Variants in CDC25B observed in about 807,000 individuals in gnomAD.
CDC25B encodes the protein cell division cycle 25B.
Under a neutral mutation model 69.8 loss-of-function variants are expected in CDC25B, and 33 were observed. The ratio of observed to expected loss-of-function variants is 0.47; its 90% CI spans 0.36 to 0.63. CDC25B has a LOEUF of 0.63. Ranked by LOEUF, CDC25B falls within the 30% of genes least tolerant of loss-of-function variation. The pLI is 0.00. For synonymous variants in CDC25B, 341 were observed against 314.6 expected, an observed-to-expected ratio of 1.08 and a Z score of -0.89; for missense variants, 727 against 809.1, an observed-to-expected ratio of 0.90 and a Z score of 1.23.
At position 3,803,863 on chromosome 20, in the gene CDC25B, G is replaced by A. The variant is rs2089380077; in HGVS notation, c.1490+326G>A. Among the ~76,000 whole-genome samples the A allele has an allele frequency of 6.6e-6, 1 of 152,180 alleles. No homozygotes were observed. On this transcript the variant is annotated intron_variant, in intron 14 of 15. Transcript: ENST00000245960. The surrounding 1 kb of genome is among the most constrained non-coding windows in gnomAD (Gnocchi z 4.9). Reference sequence around the variant, plus strand: ...TCCCCAGTACACGGACCCTCCCCATGTTCAGTGCTGTTAGGTCTCCATTAG... The same window carrying A: ...TCCCCAGTACACGGACCCTCCCCATATTCAGTGCTGTTAGGTCTCCATTAG...
intron 3 of CDC25B, 129 bp from the exon 4 acceptor site, chr20:3,800,159 C>G (rs1202332141): frequency 2.7e-6 from 2 of 751,284 alleles, no homozygotes; most frequent in Admixed American, 2.7e-5. Flanking sequence ...TCCCACCCCA[C>G]CCCTTCCACT....
intron 11 of CDC25B, 101 bp from the exon 12 acceptor site, chr20:3,802,809 G>C: frequency 1.0e-6 from 1 of 962,334 alleles, no homozygotes; most frequent in Non-Finnish European, 1.7e-6. Context: ...GCCAAAGCAG[G>C]TGTGGCCTCT....
intron 3 of CDC25B, among the ~76,000 whole-genome samples, chr20:3,799,515 T>C (rs1329113327): frequency 1.5e-3 from 95 of 61,740 alleles, no homozygotes; most frequent in African/African-American, 4.4e-3. Context: ...TGTGTGTGTG[T>C]GTGTGTGTGT....
chr20:3,800,205 C>G, intron 3 of CDC25B, 83 bp from the exon 4 acceptor site: 1 of 559,404 alleles, frequency 1.8e-6, no homozygotes, highest in East Asian at 7.8e-5. Context: ...GCCCTTACTC[C>G]CCCCTGGACT....
At position 3,806,014 on chromosome 20, in the gene CDC25B, C is replaced by G. The variant is rs977309545; in HGVS notation, c.*1053C>G. On this transcript the variant is annotated 3_prime_UTR_variant, in exon 16 of 16. Transcript: ENST00000245960. ...AGCTAAACCAAGGACTGAGCACCCT[C>G]TGGATTCTGAATCTCAAGATGGGGG... is the stretch of plus-strand genomic sequence containing the variant. 1.8e-5 allele frequency: 7 copies of G among 398,656 alleles called. No individual in the cohort carries two copies. The highest frequency in any genetic ancestry group is 1.2e-3 in the Middle Eastern group (2 of 1,612). The allele number at this position is 398,656 out of a possible 1,614,324, so 24.7% of individuals were successfully genotyped here.
chr20:3,803,084 A>AC lies in CDC25B; in HGVS notation c.1258-22dup. On this transcript the variant is annotated intron_variant, in intron 12 of 15. Transcript: ENST00000245960. This position sits in a 1 kb window ranked among gnomAD's most constrained non-coding sequence, Gnocchi z 4.9. The stretch of plus-strand genomic sequence containing the variant: ...CCAGCTGCCAGCCTGACCTGCCGGA[A>AC]CCAACCCCCATGACCTCCTACAGAT... 1 of 1,608,522 alleles carries AC rather than the reference A, an allele frequency of 6.2e-7. No individual in the cohort carries two copies. Among genetic ancestry groups the AC allele is most frequent in the South Asian group, 1.1e-5 (1 of 90,938 alleles).
rs2146686507 is a variant in CDC25B, at chr20:3,800,457, T to G, written c.423-5T>G. ...GCTCTCACCTGTCCCCATTTCCTCCTGTAGCGAGCAGTTTGCCATCAGACG... is the reference window on the plus strand; with the variant it reads ...GCTCTCACCTGTCCCCATTTCCTCCGGTAGCGAGCAGTTTGCCATCAGACG... On this transcript the variant is annotated splice_polypyrimidine_tract_variant and splice_region_variant and intron_variant, in intron 4 of 15. Transcript: ENST00000245960. The G allele has an allele frequency of 6.2e-7, 1 of 1,614,228 alleles. No homozygotes were observed. Among genetic ancestry groups the G allele is most frequent in the Middle Eastern group, 1.6e-4 (1 of 6,062 alleles).
At chr20:3,795,711 G>A, upstream of CDC25B, 2 of 985,532 alleles carry the variant, frequency 2.0e-6, no homozygotes, top group Non-Finnish European at 2.4e-6. Flanking sequence ...CACCTCCTAC[G>A]CTGGGCGCTT....
At position 3,800,685 on chromosome 20, in the gene CDC25B, T is replaced by G. The variant is rs2089245155; in HGVS notation, c.460-58T>G. The G allele has an allele frequency of 1.2e-5, 19 of 1,599,698 alleles. No individual in the cohort carries two copies. In the South Asian group the frequency reaches 2.1e-4, roughly 18 times the overall value. The stretch of plus-strand genomic sequence containing the variant: ...GAGGTGGAGAAGGTAGGGCCTGGGC[T>G]CGTGCCGGAGGAATGCAGCCTTCAT... On this transcript the variant is annotated intron_variant, in intron 5 of 15. Transcript: ENST00000245960.
At chr20:3,798,057 G>A (rs11569984) in intron 2 of CDC25B, among the ~76,000 whole-genome samples, 2,113 of 152,364 alleles carry the variant, frequency 0.014, 19 homozygotes, top group Admixed American at 0.02. Flanking sequence ...ACCCAGGGCT[G>A]AGAGTTGGTC....
At chr20:3,797,564 C>T in intron 1 of CDC25B, 58 bp from the exon 2 acceptor site, 1 of 1,600,040 alleles carries the variant, frequency 6.2e-7, no homozygotes, top group Admixed American at 1.7e-5. Flanking sequence ...GTGGGCTAGC[C>T]AGGCCTTGAG....
Position 3,800,727 on chromosome 20 carries a change from C to G in CDC25B, c.460-16C>G. 2 of 1,592,260 alleles carry G rather than the reference C, an allele frequency of 1.3e-6. No homozygotes were observed. Among genetic ancestry groups the G allele is most frequent in the Non-Finnish European group, 1.7e-6 (2 of 1,169,718 alleles). Reference sequence around the variant, plus strand: ...AGCCTTCATTCCTCTGCCTGCCGCCCTGCCTGGCTCTCTAGGTGAGGCTGC... The same window carrying G: ...AGCCTTCATTCCTCTGCCTGCCGCCGTGCCTGGCTCTCTAGGTGAGGCTGC... On this transcript the variant is annotated splice_polypyrimidine_tract_variant and intron_variant, in intron 5 of 15. Transcript: ENST00000245960.
intron 5 of CDC25B, 48 bp from the exon 6 acceptor site, chr20:3,800,695 G>A (rs2089246205): frequency 1.2e-6 from 2 of 1,601,802 alleles, no homozygotes; most frequent in South Asian, 1.1e-5. Flanking sequence ...TCGTGCCGGA[G>A]GAATGCAGCC....
At chr20:3,799,658 G>C (rs777337294) in intron 3 of CDC25B, among the ~76,000 whole-genome samples, 1 of 152,222 alleles carries the variant, frequency 6.6e-6, no homozygotes, top group Non-Finnish European at 1.5e-5. Context: ...GGCAGGAGGA[G>C]GGGGTGGGAC....
At chr20:3,796,866 C>G in intron 1 of CDC25B, 135 bp downstream of exon 1, 2 of 1,164,774 alleles carry the variant, frequency 1.7e-6, no homozygotes, top group East Asian at 3.1e-5. Context: ...TGGAGAGGTA[C>G]GCCCTTGTTC....
intron 1 of CDC25B, among the ~76,000 whole-genome samples, chr20:3,791,037 A>C (rs771967998): frequency 6.6e-6 from 1 of 152,124 alleles, no homozygotes; most frequent in Non-Finnish European, 1.5e-5. Flanking sequence ...TCAGAAGTCC[A>C]TTTGCTATGA....
Position 3,800,804 on chromosome 20 carries a change from G to A in CDC25B, c.521G>A (p.Gly174Asp), listed in dbSNP as rs2089251451. The change falls in exon 6 of 16, where the codon GGC becomes GAC. Residue 174 changes from glycine to aspartate, a missense_variant. Around this residue, in one of 2 missense-constraint regions of CDC25B, gnomAD observed 368 missense variants for 345.6 expected, o/e 1.06. Transcript: ENST00000245960. ...ATCACCAACTCCCAGGCGCCCGACG[G>A]CCGGAGGAAGAGCGAGGCGGGCAGT... ...RNITNSQAPD[G>D]RRKSEAGSGA... 6.2e-7 allele frequency: 1 copy of A among 1,612,836 alleles called. No individual in the cohort carries two copies. Among genetic ancestry groups the A allele is most frequent in the Admixed American group, 1.7e-5 (1 of 60,004 alleles).
Position 3,802,379 on chromosome 20 carries a change from A to G in CDC25B, c.1194+3A>G, listed in dbSNP as rs776437715. The G allele has an allele frequency of 1.2e-4, 194 of 1,601,580 alleles. No individual in the cohort carries two copies. Among genetic ancestry groups the G allele is most frequent in the Non-Finnish European group, 1.6e-4 (189 of 1,175,708 alleles). Reference sequence around the variant, plus strand: ...AGCTGATTGGAGATTACTCTAAGGTACCTGCAGCAGCGAAGGGGGTACCTT... The same window carrying G: ...AGCTGATTGGAGATTACTCTAAGGTGCCTGCAGCAGCGAAGGGGGTACCTT... On this transcript the variant is annotated splice_donor_region_variant and intron_variant, in intron 11 of 15. Coordinates refer to ENST00000245960, the MANE Select transcript of CDC25B (RefSeq NM_021873.4).
intron 6 of CDC25B, 27 bp from the exon 7 acceptor site, chr20:3,800,944 G>A: frequency 1.2e-6 from 2 of 1,613,296 alleles, no homozygotes; most frequent in South Asian, 1.1e-5. Flanking sequence ...GGCATGTGAG[G>A]ACCCTCCTCT....
Sources: gnomAD v4.1 joint callset for allele counts (sites outside exome capture counted in the v4.1 genomes callset) on GRCh38, gnomAD v4.1.1 for gene constraint, gnomAD v4.1.1 regional missense constraint, Gnocchi (gnomAD v3.1) non-coding constraint, MANE v1.5 for transcripts, NCBI Gene and HGNC (gene_info 2026-07-23, HGNC 2026-07-21) for gene names.